Variants in NFIA observed in about 807,000 individuals in gnomAD.
NFIA encodes nuclear factor 1 A-type.
Under a neutral mutation model 62.8 loss-of-function variants are expected in NFIA, and 8 were observed. The observed-to-expected ratio is 0.13, with a 90% CI of 0.07 to 0.23. NFIA has a LOEUF of 0.23. Among genes scored for constraint, NFIA ranks in the 10% least tolerant of loss-of-function variants. NFIA has a pLI of 1.00. For missense variants in NFIA, 410 were observed against 642.1 expected (o/e 0.64, Z 3.91); for synonymous variants, 235 against 238.1 (o/e 0.99, Z 0.12).
At position 61,292,184 on chromosome 1, in the gene NFIA, T is replaced by G. The variant is rs376375655; in HGVS notation, c.625+14599T>G. On this transcript the variant is annotated intron_variant, in intron 3 of 10. Coordinates refer to ENST00000403491, the MANE Select transcript of NFIA (RefSeq NM_001134673.4). ...CGACTTATTTTTAAAAGCTACAGTA[T>G]AAATGGAAGCTCCAGTGATTTCTTT... Among the ~76,000 whole-genome samples the G allele has an allele frequency of 7.2e-4, 110 of 152,268 alleles. 1 individual carries two copies. The highest frequency in any genetic ancestry group is 2.6e-3 in the African/African-American group (106 of 41,560).
intron 2 of NFIA, among the ~76,000 whole-genome samples, chr1:61,135,255 G>T (rs1435232679): frequency 1.3e-5 from 2 of 152,180 alleles, no homozygotes; most frequent in African/African-American, 4.8e-5. Context: ...CTTTGATTTG[G>T]CTTTTAAGAG....
At chr1:61,149,869 A>AGC (rs1425089463) in intron 2 of NFIA, among the ~76,000 whole-genome samples, 1 of 152,200 alleles carries the variant, frequency 6.6e-6, no homozygotes, top group Non-Finnish European at 1.5e-5. Context: ...TACTGCAATG[A>AGC]GCCAAGGTGG....
chr1:61,232,924 T>G (rs919000830), intron 2 of NFIA, among the ~76,000 whole-genome samples: 1 of 152,174 alleles, frequency 6.6e-6, no homozygotes, highest in African/African-American at 2.4e-5. Context: ...TGGCAAGAAT[T>G]TTTCGTTGGG....
chr1:61,171,415 GA>G lies in NFIA; in HGVS notation c.559+82738del, dbSNP rs553271677. ...GTATTTTTATTTTAAACATAATTATGAAATATTTTGAAAGTAATCAAGTAAA... is the reference window on the plus strand; with the variant it reads ...GTATTTTTATTTTAAACATAATTATGAATATTTTGAAAGTAATCAAGTAAA... On this transcript the variant is annotated intron_variant, in intron 2 of 10. Coordinates refer to ENST00000403491, the MANE Select transcript of NFIA (RefSeq NM_001134673.4). Among the ~76,000 whole-genome samples the G allele has an allele frequency of 9.8e-5, 15 of 152,294 alleles. 1 individual carries two copies. In the South Asian group the frequency reaches 2.9e-3, roughly 29 times the overall value.
At chr1:61,185,958 G>T (rs1183539419) in intron 2 of NFIA, among the ~76,000 whole-genome samples, 1 of 152,060 alleles carries the variant, frequency 6.6e-6, no homozygotes, top group Non-Finnish European at 1.5e-5. Context: ...AGTCCCACAA[G>T]GATGCAAACT....
chr1:61,166,349 A>G (rs1649564530), intron 2 of NFIA, among the ~76,000 whole-genome samples: 1 of 152,140 alleles, frequency 6.6e-6, no homozygotes, highest in Non-Finnish European at 1.5e-5. Flanking sequence ...ACACCAAATG[A>G]CTTGCCTGAG....
intron 10 of NFIA, among the ~76,000 whole-genome samples, chr1:61,428,538 T>C (rs1369623256): frequency 6.6e-6 from 1 of 151,994 alleles, no homozygotes; most frequent in East Asian, 1.9e-4. Context: ...TTGTCATTTT[T>C]CCCCCAAAAA....
intron 2 of NFIA, among the ~76,000 whole-genome samples, chr1:61,096,995 A>T (rs1011148646): frequency 1.3e-5 from 2 of 152,236 alleles, no homozygotes; most frequent in Non-Finnish European, 2.9e-5. Flanking sequence ...TCTAAGGTTT[A>T]ATTTAAAAAT....
rs1053594202 is a variant in NFIA, at chr1:61,458,070, C to T, written c.*2750C>T. 4 of 151,840 alleles carry T rather than the reference C, an allele frequency of 2.6e-5. No individual in the cohort carries two copies. The highest frequency in any genetic ancestry group is 7.3e-5 in the African/African-American group (3 of 41,302). The allele number at this position is 151,840 out of a possible 1,614,324, so 9.4% of individuals were successfully genotyped here. On this transcript the variant is annotated 3_prime_UTR_variant, in exon 11 of 11. Coordinates refer to ENST00000403491, the MANE Select transcript of NFIA (RefSeq NM_001134673.4). ...GATAAGTGGTTGAATAGTCGTTTGGCGCTGTTGTATGGTGTGATTGTCAGT... is the reference window on the plus strand; with the variant it reads ...GATAAGTGGTTGAATAGTCGTTTGGTGCTGTTGTATGGTGTGATTGTCAGT...
chr1:61,383,758 T>A (rs773425416), intron 7 of NFIA, among the ~76,000 whole-genome samples: 6 of 152,236 alleles, frequency 3.9e-5, no homozygotes, highest in Non-Finnish European at 8.8e-5. Context: ...TATTTCCATG[T>A]GGTCAATTAC....
intron 2 of NFIA, among the ~76,000 whole-genome samples, chr1:61,205,638 A>C (rs1652842748): frequency 6.6e-6 from 1 of 152,186 alleles, no homozygotes; most frequent in Admixed American, 6.6e-5. Flanking sequence ...CAATAATGGA[A>C]CACTAGGCAT....
chr1:61,141,970 G>A (rs976725425), intron 2 of NFIA, among the ~76,000 whole-genome samples: 48 of 152,104 alleles, frequency 3.2e-4, no homozygotes, highest in African/African-American at 1.1e-3. Flanking sequence ...CAGAATGGCG[G>A]ATCTGTTACT....
upstream of NFIA, among the ~76,000 whole-genome samples, chr1:61,078,430 G>A (rs946607604): frequency 6.6e-6 from 1 of 152,204 alleles, no homozygotes; most frequent in African/African-American, 2.4e-5. Flanking sequence ...GGAATGTGAA[G>A]TTCAACTTTA....
intron 9 of NFIA, among the ~76,000 whole-genome samples, chr1:61,418,089 C>CA (rs1666438147): frequency 6.6e-6 from 1 of 151,904 alleles, no homozygotes; most frequent in African/African-American, 2.4e-5. Flanking sequence ...GCACTGTCTC[C>CA]AAAAAAAGTA....
chr1:61,133,444 G>A lies in NFIA; in HGVS notation c.559+44764G>A, dbSNP rs545122698. Among the ~76,000 whole-genome samples the A allele has an allele frequency of 5.5e-4, 84 of 152,266 alleles. 1 individual carries two copies. The highest frequency in any genetic ancestry group is 1.9e-3 in the African/African-American group (79 of 41,546). On this transcript the variant is annotated intron_variant, in intron 2 of 10. Transcript: ENST00000403491. The stretch of plus-strand genomic sequence containing the variant: ...AATACATGCATATGTACACTAGAAT[G>A]TTTTATGAGGAAGGGAACTTACTAG...
chr1:61,334,555 GTATATA>G (rs56259392), intron 4 of NFIA, among the ~76,000 whole-genome samples: 5,153 of 97,320 alleles, frequency 0.053, 530 homozygotes, highest in Middle Eastern at 0.097. Flanking sequence ...GTGTGTGTGT[GTATATA>G]TATATATATA....
intron 2 of NFIA, among the ~76,000 whole-genome samples, chr1:61,198,163 A>T (rs1305801537): frequency 2.0e-5 from 3 of 152,234 alleles, no homozygotes; most frequent in African/African-American, 7.2e-5. Context: ...GAAGCTTCAA[A>T]GGTCAAACTG....
chr1:61,135,194 A>G (rs1647159875), intron 2 of NFIA, among the ~76,000 whole-genome samples: 1 of 152,206 alleles, frequency 6.6e-6, no homozygotes, highest in Non-Finnish European at 1.5e-5. Flanking sequence ...TTTGGAAATC[A>G]ACTTTAATAA....
chr1:61,124,023 A>G (rs1182944486), intron 2 of NFIA, among the ~76,000 whole-genome samples: 1 of 152,216 alleles, frequency 6.6e-6, no homozygotes, highest in Non-Finnish European at 1.5e-5. Context: ...TCCTAGAGGA[A>G]GAGTTGCTTC....
Sources: allele counts gnomAD v4.1 joint callset (sites outside exome capture counted in the v4.1 genomes callset), GRCh38; gene constraint gnomAD v4.1.1; transcripts MANE v1.5; gene names NCBI Gene and HGNC (gene_info 2026-07-23, HGNC 2026-07-21).